SSPN: variants seen among roughly 807,000 people sequenced by gnomAD.
SSPN encodes the protein K-ras oncogene-associated protein.
SSPN carries 15 observed loss-of-function variants against 19.1 expected under a neutral mutation model. That is an observed-to-expected ratio of 0.78 (90% CI 0.52 to 1.21). The LOEUF is 1.21. SSPN is among the 50% of genes most tolerant of loss of function. SSPN has a pLI of 0.00. For synonymous variants in SSPN, 147 were observed against 140.3 expected (o/e 1.05, Z -0.34); for missense variants, 291 against 314.0 (o/e 0.93, Z 0.55).
At chr12:26,158,413 G>A (rs2137421922) in intron 1 of SSPN, among the ~76,000 whole-genome samples, 1 of 152,232 alleles carries the variant, frequency 6.6e-6, no homozygotes, top group East Asian at 1.9e-4. Context: ...GCCTGCCCAA[G>A]TTCTGTAAAC....
At chr12:26,169,099 T>TG (rs1184784605) in intron 1 of SSPN, among the ~76,000 whole-genome samples, 3 of 152,050 alleles carry the variant, frequency 2.0e-5, no homozygotes, top group African/African-American at 7.2e-5. Flanking sequence ...ACTGAAATTC[T>TG]GGGGAGTGCT....
At position 26,195,832 on chromosome 12, in the gene SSPN, C is replaced by T; in HGVS notation, c.160C>T (p.Leu54=). 1.3e-6 allele frequency: 2 copies of T among 1,539,384 alleles called. No homozygotes were observed. The highest frequency in any genetic ancestry group is 1.7e-6 in the Non-Finnish European group (2 of 1,146,580). ...GACCTGCTGCGGCTGCCGGTTCCCG[C>T]TGCTGCTCGCCCTGCTGCAGCTGGC... The part of the protein sequence containing the change: ...PRTCCGCRFP[L]LLALLQLALG... Residue 54 remains leucine (L), a synonymous_variant, in exon 1 of 3, where the codon CTG becomes TTG. Coordinates refer to ENST00000242729, the MANE Select transcript of SSPN (RefSeq NM_005086.5).
At chr12:26,200,402 C>T (rs1398217386) in intron 1 of SSPN, among the ~76,000 whole-genome samples, 1 of 152,080 alleles carries the variant, frequency 6.6e-6, no homozygotes, top group African/African-American at 2.4e-5. Context: ...GTTTTAAAAA[C>T]CGATTTTAAG....
intron 1 of SSPN, chr12:26,124,686 G>C: frequency 6.2e-7 from 1 of 1,613,560 alleles, no homozygotes; most frequent in Non-Finnish European, 8.5e-7. Context: ...CCAAAGCCTA[G>C]ACAGATATTC....
chr12:26,124,811 T>C, intron 1 of SSPN: 3 of 1,610,824 alleles, frequency 1.9e-6, no homozygotes. Flanking sequence ...TCTGTTTCGA[T>C]TTTTGGGGCT....
chr12:26,124,487 G>C (rs76786372), intron 1 of SSPN: 33,865 of 1,602,258 alleles, frequency 0.021, 445 homozygotes, highest in African/African-American at 0.044. Context: ...TACCCATGCA[G>C]GTTATGAGGA....
chr12:26,125,432 A>G (rs1478880759), intron 1 of SSPN: 1 of 157,946 alleles, frequency 6.3e-6, no homozygotes, highest in Non-Finnish European at 1.4e-5. Flanking sequence ...TGAACCATAG[A>G]AAGGAAGTGA....
At chr12:26,188,590 C>T (rs1224548559) in intron 1 of SSPN, among the ~76,000 whole-genome samples, 2 of 152,076 alleles carry the variant, frequency 1.3e-5, no homozygotes, top group East Asian at 3.9e-4. Flanking sequence ...GACAACTCTC[C>T]AAACAAAATA....
intron 1 of SSPN, among the ~76,000 whole-genome samples, chr12:26,221,593 A>G (rs892256916): frequency 6.6e-6 from 1 of 152,234 alleles, no homozygotes; most frequent in East Asian, 1.9e-4. Flanking sequence ...TGAAGGCTAC[A>G]AAGAAGTAGC....
chr12:26,134,342 C>A (rs1036601941), intron 1 of SSPN, among the ~76,000 whole-genome samples: 1 of 152,232 alleles, frequency 6.6e-6, no homozygotes, highest in Non-Finnish European at 1.5e-5. Context: ...TCCAAGAAGC[C>A]TTCTCTGAGT....
chr12:26,179,409 C>T lies in SSPN; in HGVS notation c.-30-44884C>T, dbSNP rs375374548. On this transcript the variant is annotated intron_variant, in intron 1 of 2. Transcript: ENST00000538142. ...TCTCACTCAAACTGATGGATTTGAC[C>T]TCTCCTGTTTTGCTGGGGACAGGAG... 1.2e-4 allele frequency among the ~76,000 whole-genome samples: 19 copies of T among 152,260 alleles called. No individual in the cohort carries two copies. In the East Asian group the frequency reaches 2.9e-3, roughly 23 times the overall value.
intron 1 of SSPN, among the ~76,000 whole-genome samples, chr12:26,162,249 A>G (rs894504856): frequency 2.0e-5 from 3 of 152,206 alleles, no homozygotes; most frequent in Non-Finnish European, 4.4e-5. Context: ...CTTGAGAAAA[A>G]TTATTACCAG....
rs1945267740 is a variant in SSPN, at chr12:26,234,663, A to C, written c.*3587A>C. The C allele has an allele frequency of 6.6e-6, 1 of 152,206 alleles. No homozygotes were observed. The allele number at this position is 152,206 out of a possible 1,614,324, so 9.4% of individuals were successfully genotyped here. On this transcript the variant is annotated 3_prime_UTR_variant, in exon 3 of 3. Coordinates refer to ENST00000242729, the MANE Select transcript of SSPN (RefSeq NM_005086.5). ...TTGTGGATTCATTTTTCTGGCATTG[A>C]TCAAATAGCAAATACAAAATAAAGC...
chr12:26,221,430 C>G (rs537735207), intron 1 of SSPN, among the ~76,000 whole-genome samples: 4 of 152,288 alleles, frequency 2.6e-5, no homozygotes, highest in Non-Finnish European at 2.9e-5. Flanking sequence ...GTGTAAGGGC[C>G]TGTTTTGCCA....
chr12:26,183,995 G>C (rs1944736583), intron 1 of SSPN, among the ~76,000 whole-genome samples: 2 of 152,228 alleles, frequency 1.3e-5, no homozygotes, highest in South Asian at 4.1e-4. Flanking sequence ...GACTCAGCCA[G>C]CTGCCTTTGG....
At chr12:26,185,811 T>C (rs1468218566) in intron 1 of SSPN, among the ~76,000 whole-genome samples, 1 of 152,226 alleles carries the variant, frequency 6.6e-6, no homozygotes, top group Non-Finnish European at 1.5e-5. Context: ...GACTTTGCCC[T>C]GTGTGCCTGT....
At chr12:26,208,750 T>C (rs1294506838) in intron 1 of SSPN, among the ~76,000 whole-genome samples, 1 of 152,162 alleles carries the variant, frequency 6.6e-6, no homozygotes, top group Non-Finnish European at 1.5e-5. Context: ...TGCAATGATG[T>C]GAAGGGTCCA....
intron 1 of SSPN, among the ~76,000 whole-genome samples, chr12:26,196,572 G>A (rs1944832161): frequency 6.6e-6 from 1 of 152,206 alleles, no homozygotes; most frequent in South Asian, 2.1e-4. Context: ...GGACTCCACC[G>A]ATGGATGTAC....
At chr12:26,207,074 C>A (rs570323021) in intron 1 of SSPN, among the ~76,000 whole-genome samples, 1 of 152,082 alleles carries the variant, frequency 6.6e-6, no homozygotes, top group Non-Finnish European at 1.5e-5. Flanking sequence ...CATGATGAAC[C>A]CTCAGGGTAA....
Sources: allele counts gnomAD v4.1 joint callset (sites outside exome capture counted in the v4.1 genomes callset), GRCh38; gene constraint gnomAD v4.1.1; transcripts MANE v1.5; gene names NCBI Gene and HGNC (gene_info 2026-07-23, HGNC 2026-07-21).